AMPH: variants seen among roughly 807,000 people sequenced by gnomAD.
AMPH encodes amphiphysin (Stiff-Mann syndrome with breast cancer 128kD autoantigen).
Under a neutral mutation model 99.1 loss-of-function variants are expected in AMPH, and 49 were observed. The observed-to-expected ratio is 0.49, with a 90% confidence interval of 0.39 to 0.63. The LOEUF (loss-of-function observed/expected upper bound fraction) is 0.63, where lower values mean the gene tolerates loss of function less well. AMPH is among the 20% of genes least tolerant of loss of function. AMPH has a pLI of 0.00. For synonymous variants in AMPH, 314 were observed against 317.3 expected, an observed-to-expected ratio of 0.99 and a Z score of 0.11; for missense variants, 759 against 863.4, an observed-to-expected ratio of 0.88 and a Z score of 1.52.
intron 2 of AMPH, among the ~76,000 whole-genome samples, chr7:38,516,465 T>A (rs1219012527): frequency 6.6e-6 from 1 of 152,212 alleles, no homozygotes; most frequent in African/African-American, 2.4e-5. Context: ...CCTGTAGGTA[T>A]GCAGAGGGCA....
intron 17 of AMPH, among the ~76,000 whole-genome samples, chr7:38,415,523 T>G (rs367826081): frequency 3.3e-5 from 5 of 152,332 alleles, no homozygotes; most frequent in African/African-American, 9.6e-5. Flanking sequence ...ACCCTAATAT[T>G]ATGTTAGATT....
chr7:38,609,280 G>C (rs575012354), intron 1 of AMPH, among the ~76,000 whole-genome samples: 3 of 152,266 alleles, frequency 2.0e-5, no homozygotes, highest in South Asian at 2.1e-4. Context: ...AGAAACACAG[G>C]CTCTCTCCTT....
chr7:38,618,436 C>T (rs1793947660), intron 1 of AMPH, among the ~76,000 whole-genome samples: 1 of 151,846 alleles, frequency 6.6e-6, no homozygotes, highest in South Asian at 2.1e-4. Flanking sequence ...GGCATGAAAC[C>T]GGGAGGCAGA....
At chr7:38,533,864 G>A (rs1450244117) in intron 2 of AMPH, among the ~76,000 whole-genome samples, 2 of 151,934 alleles carry the variant, frequency 1.3e-5, no homozygotes, top group Admixed American at 1.3e-4. Flanking sequence ...AACCTCAGAC[G>A]GCCCCACTCC....
At chr7:38,594,864 A>G (rs1792994352) in intron 1 of AMPH, among the ~76,000 whole-genome samples, 1 of 152,158 alleles carries the variant, frequency 6.6e-6, no homozygotes, top group African/African-American at 2.4e-5. Flanking sequence ...TCAAATGATG[A>G]TCTTAGGTGA....
At position 38,532,740 on chromosome 7, in the gene AMPH, G is replaced by GAAA. The variant is rs34900203; in HGVS notation, c.150+2188_150+2190dup. Among the ~76,000 whole-genome samples the GAAA allele has an allele frequency of 3.8e-5, 5 of 132,478 alleles. No individual in the cohort carries two copies. The East Asian group carries it at 6.3e-4, about 17-fold the overall frequency. The allele number at this position is 132,478 out of a possible 152,430, so 86.9% of individuals were successfully genotyped here. A position where few individuals can be genotyped will look rare whatever the true frequency, so the allele number is the denominator to read the frequency against. ...CACCTGGGGCAGTCAAGAAAGCTGGGAAAAAAAAAAAAACAATGAAAATTC... is the reference window on the plus strand; with the variant it reads ...CACCTGGGGCAGTCAAGAAAGCTGGGAAAAAAAAAAAAAAAACAATGAAAATTC... On this transcript the variant is annotated intron_variant, in intron 2 of 20. Coordinates refer to ENST00000356264, the MANE Select transcript of AMPH (RefSeq NM_001635.4).
At chr7:38,442,662 C>T (rs1026263607) in intron 11 of AMPH, among the ~76,000 whole-genome samples, 1 of 151,854 alleles carries the variant, frequency 6.6e-6, no homozygotes, top group Non-Finnish European at 1.5e-5. Context: ...GAAATGAAAA[C>T]AATATATCAA....
chr7:38,512,800 T>C (rs1789588033), intron 2 of AMPH, among the ~76,000 whole-genome samples: 1 of 152,212 alleles, frequency 6.6e-6, no homozygotes, highest in Non-Finnish European at 1.5e-5. Flanking sequence ...GAGATGCTCT[T>C]ACTGATGAAA....
chr7:38,516,935 C>T (rs1562802056), intron 2 of AMPH, among the ~76,000 whole-genome samples: 1 of 152,172 alleles, frequency 6.6e-6, no homozygotes, highest in Non-Finnish European at 1.5e-5. Context: ...TTGCATGGGG[C>T]CCATAGCCCC....
At chr7:38,608,798 T>G (rs974354003) in intron 1 of AMPH, among the ~76,000 whole-genome samples, 1 of 152,138 alleles carries the variant, frequency 6.6e-6, no homozygotes, top group African/African-American at 2.4e-5. Flanking sequence ...GCAATCGAAA[T>G]TATGCAATGA....
Position 38,476,876 on chromosome 7 carries a change from T to C in AMPH, c.490A>G (p.Ser164Gly), listed in dbSNP as rs764670438. 73 of 1,613,564 alleles carry C rather than the reference T, an allele frequency of 4.5e-5. No homozygotes were observed. Among genetic ancestry groups the C allele is most frequent in the Middle Eastern group, 1.6e-4 (1 of 6,076 alleles). Residue 164 changes from serine to glycine, a missense_variant, in exon 6 of 21, where the codon AGT becomes GGT. By Grantham distance (56) the Ser-to-Gly change is moderately conservative. Coordinates refer to ENST00000356264, the MANE Select transcript of AMPH (RefSeq NM_001635.4). ...ALQSSKRKDESRISKAEEEFQ... is the reference protein window; with the variant it reads ...ALQSSKRKDEGRISKAEEEFQ... ...TCAATCCCTACCTTAGAGATTCGACTCTCATCCTTCCTCTTGGAGCTCTGC... is the reference window on the plus strand; with the variant it reads ...TCAATCCCTACCTTAGAGATTCGACCCTCATCCTTCCTCTTGGAGCTCTGC...
rs953933521 is a variant in AMPH at position 38,391,828 on chromosome 7, C to G, written c.1798G>C (p.Ala600Pro). 3 of 1,613,768 alleles carry G rather than the reference C, an allele frequency of 1.9e-6. No homozygotes were observed. Among genetic ancestry groups the G allele is most frequent in the Admixed American group, 1.7e-5 (1 of 59,972 alleles). ...TGGTCAGCAGCCCCCATGGCTGGTG[C>G]AGAAGGCGTGGGCTGAGGGTCCTGG... Reference protein sequence around the residue: ...PIQDPQPTPSAPAMGAADQLA... With the variant: ...PIQDPQPTPSPPAMGAADQLA... The change falls in exon 19 of 21, where the codon GCA becomes CCA. Residue 600 changes from alanine to proline, a missense_variant. Coordinates refer to ENST00000356264, the MANE Select transcript of AMPH (RefSeq NM_001635.4).
chr7:38,499,703 C>A (rs1789062132), intron 3 of AMPH, among the ~76,000 whole-genome samples: 1 of 152,154 alleles, frequency 6.6e-6, no homozygotes, highest in African/African-American at 2.4e-5. Context: ...AAATTATGAT[C>A]TACTTAAGGC....
chr7:38,455,473 C>T (rs1451849726), intron 11 of AMPH, among the ~76,000 whole-genome samples: 3 of 152,292 alleles, frequency 2.0e-5, no homozygotes, highest in Middle Eastern at 3.4e-3. Flanking sequence ...GATGTTCACA[C>T]TGTGAATAGA....
intron 5 of AMPH, among the ~76,000 whole-genome samples, chr7:38,486,649 C>A (rs952283957): frequency 6.6e-6 from 1 of 152,018 alleles, no homozygotes; most frequent in African/African-American, 2.4e-5. Flanking sequence ...AGACCAGTTT[C>A]GTGATTAACA....
chr7:38,432,086 A>G (rs745875644), intron 13 of AMPH, 103 bp downstream of exon 13: 25 of 1,012,620 alleles, frequency 2.5e-5, no homozygotes, highest in Non-Finnish European at 3.3e-5. Context: ...TCATCATTAA[A>G]TGTATGTGTC....
chr7:38,552,879 A>AT (rs1233493164), intron 1 of AMPH, among the ~76,000 whole-genome samples: 1 of 152,204 alleles, frequency 6.6e-6, no homozygotes, highest in Non-Finnish European at 1.5e-5. Context: ...TCTGTGAAAT[A>AT]CATGTGCATT....
intron 9 of AMPH, chr7:38,464,077 G>A (rs867818709): frequency 7.8e-7 from 1 of 1,289,724 alleles, no homozygotes; most frequent in Admixed American, 2.3e-5. Context: ...AGATGCCACT[G>A]AGCTCACTCA....
intron 2 of AMPH, among the ~76,000 whole-genome samples, chr7:38,514,570 G>A (rs1319962723): frequency 6.6e-6 from 1 of 152,160 alleles, no homozygotes; most frequent in Non-Finnish European, 1.5e-5. Context: ...GGCCATGATG[G>A]CTTCACCTTC....
Sources: allele counts gnomAD v4.1 joint callset (sites outside exome capture counted in the v4.1 genomes callset), GRCh38; gene constraint gnomAD v4.1.1; transcripts MANE v1.5; gene names NCBI Gene and HGNC (gene_info 2026-07-23, HGNC 2026-07-21).